ZNF33A: variants seen among roughly 807,000 people sequenced by gnomAD.
ZNF33A encodes the protein zinc finger protein 33A.
A neutral mutation model predicts 15.9 loss-of-function variants in ZNF33A; 9 were observed. The observed-to-expected ratio is 0.57, with a 90% CI of 0.34 to 0.99. ZNF33A has a LOEUF of 0.99. Among genes scored for constraint, ZNF33A ranks in the 50% least tolerant of loss-of-function variants. The probability of loss-of-function intolerance (pLI) is 0.02; values close to 1 mark genes in which losing one functional copy is unlikely to be tolerated. For missense variants in ZNF33A, 843 were observed against 941.6 expected (o/e 0.90, Z 1.37); for synonymous variants, 294 against 324.2 (o/e 0.91, Z 1.00).
intron 4 of ZNF33A, among the ~76,000 whole-genome samples, chr10:38,048,022 T>C (rs2066034129): frequency 6.6e-6 from 1 of 152,224 alleles, no homozygotes; most frequent in Non-Finnish European, 1.5e-5. Flanking sequence ...ACATTATTTT[T>C]AGTTTTAAAA....
rs764473273 is a variant in ZNF33A, at chr10:38,056,338, A to C, written c.2214A>C (p.Gln738His). 2 of 1,614,068 alleles carry C rather than the reference A, an allele frequency of 1.2e-6. No individual in the cohort carries two copies. The highest frequency in any genetic ancestry group is 1.3e-5 in the African/African-American group (1 of 74,954). Residue 738 changes from glutamine to histidine, a missense_variant, in exon 5 of 5, where the codon CAA becomes CAC. Coordinates refer to ENST00000432900, the MANE Select transcript of ZNF33A (RefSeq NM_006954.2). ...TTTACCGTAAATCGGAACTTGCTCA[A>C]CATCAGAGATCACATACAGGGGAAA... The part of the protein sequence containing the change: ...KIFYRKSELA[Q>H]HQRSHTGEKP...
At chr10:38,049,230 G>T (rs1239730252) in intron 4 of ZNF33A, among the ~76,000 whole-genome samples, 6 of 152,064 alleles carry the variant, frequency 3.9e-5, no homozygotes, top group Non-Finnish European at 7.4e-5. Context: ...TGAACTTTGG[G>T]TTAATGAAAA....
At chr10:38,010,902 C>G (rs12257902) in intron 1 of ZNF33A, 119 bp downstream of exon 1, 1 of 1,231,550 alleles carries the variant, frequency 8.1e-7, no homozygotes, top group Non-Finnish European at 1.1e-6. Flanking sequence ...TAGGGGAAGG[C>G]GGGGACGGCG....
At chr10:38,063,997 A>T (rs1312516393), downstream of ZNF33A, 3 of 1,234,462 alleles carry the variant, frequency 2.4e-6, no homozygotes, top group African/African-American at 4.5e-5. Flanking sequence ...GTAGGAAAAC[A>T]GGAAGAAAAG....
chr10:38,032,240 GTTAGT>G (rs1213838313), intron 4 of ZNF33A, among the ~76,000 whole-genome samples: 18 of 152,246 alleles, frequency 1.2e-4, no homozygotes, highest in South Asian at 4.1e-4. Context: ...ACTAAAAAAA[GTTAGT>G]TTAGTGAGGT....
chr10:38,029,275 A>T (rs2065114138), intron 4 of ZNF33A, among the ~76,000 whole-genome samples: 1 of 152,114 alleles, frequency 6.6e-6, no homozygotes, highest in Admixed American at 6.6e-5. Context: ...TTTATCTGGG[A>T]TTAACTCCAT....
chr10:38,032,665 T>G (rs2065263666), intron 4 of ZNF33A, among the ~76,000 whole-genome samples: 1 of 152,112 alleles, frequency 6.6e-6, no homozygotes, highest in Non-Finnish European at 1.5e-5. Flanking sequence ...TTGGCCAGGC[T>G]GGTCTCAAAC....
chr10:38,032,154 A>G (rs1229843339), intron 4 of ZNF33A, among the ~76,000 whole-genome samples: 1 of 152,090 alleles, frequency 6.6e-6, no homozygotes, highest in Non-Finnish European at 1.5e-5. Flanking sequence ...TGGGAAGTCA[A>G]ATTGTCATTT....
chr10:38,046,521 G>A (rs1267682508), intron 4 of ZNF33A, among the ~76,000 whole-genome samples: 2 of 152,232 alleles, frequency 1.3e-5, no homozygotes, highest in Middle Eastern at 3.4e-3. Flanking sequence ...TTGTTTCCAA[G>A]TGACTTAAGT....
chr10:38,061,586 C>T (rs1056068012), downstream of ZNF33A, among the ~76,000 whole-genome samples: 1 of 152,118 alleles, frequency 6.6e-6, no homozygotes, highest in East Asian at 1.9e-4. Context: ...TTACCTTGAA[C>T]ATAGGGAGAG....
intron 4 of ZNF33A, among the ~76,000 whole-genome samples, chr10:38,048,704 A>T (rs189005817): frequency 1.7e-4 from 26 of 152,296 alleles, no homozygotes; most frequent in African/African-American, 6.3e-4. Context: ...ATCGATAGAG[A>T]TCCATTCATC....
At chr10:38,030,639 C>T (rs555729070) in intron 4 of ZNF33A, among the ~76,000 whole-genome samples, 31 of 152,152 alleles carry the variant, frequency 2.0e-4, no homozygotes, top group African/African-American at 7.5e-4. Context: ...AGAGAAGGCT[C>T]CTAAGGAGAT....
rs200327978 is a variant in ZNF33A at position 38,015,485 on chromosome 10, A to AT, written c.10-1380dup. Among the ~76,000 whole-genome samples the AT allele has an allele frequency of 9.4e-3, 1,428 of 152,000 alleles. 10 individuals carry two copies. Among genetic ancestry groups the AT allele is most frequent in the Non-Finnish European group, 0.016 (1,067 of 67,956 alleles). ...AGACACCCGCCAACACGCCTGGCTA[A>AT]TTTTTTGTATTTTTAGTAGAGATGG... On this transcript the variant is annotated intron_variant, in intron 2 of 4. Transcript: ENST00000432900.
At chr10:38,066,369 C>G (rs2066709685), downstream of ZNF33A, among the ~76,000 whole-genome samples, 1 of 151,834 alleles carries the variant, frequency 6.6e-6, no homozygotes, top group Non-Finnish European at 1.5e-5. Flanking sequence ...ACCTCTGCCC[C>G]CTGGGTTCAA....
intron 4 of ZNF33A, among the ~76,000 whole-genome samples, chr10:38,040,687 C>G (rs905034067): frequency 6.6e-6 from 1 of 152,168 alleles, no homozygotes; most frequent in African/African-American, 2.4e-5. Context: ...CTGTTTGTAT[C>G]TATCTCTTAT....
chr10:38,015,381 C>A (rs1475138182), intron 2 of ZNF33A, among the ~76,000 whole-genome samples: 2 of 152,088 alleles, frequency 1.3e-5, no homozygotes. Context: ...CCTTGGCTCA[C>A]TGCAACGTCT....
chr10:38,013,825 C>G (rs1332567128), intron 2 of ZNF33A, among the ~76,000 whole-genome samples: 1 of 152,050 alleles, frequency 6.6e-6, no homozygotes, highest in Non-Finnish European at 1.5e-5. Context: ...TGAATTATTA[C>G]AAATCCGTGG....
intron 4 of ZNF33A, among the ~76,000 whole-genome samples, chr10:38,025,163 A>G (rs1434135056): frequency 1.3e-5 from 2 of 152,192 alleles, no homozygotes; most frequent in Non-Finnish European, 2.9e-5. Flanking sequence ...GGTGTCTTGG[A>G]ATGTACTTCC....
intron 4 of ZNF33A, among the ~76,000 whole-genome samples, chr10:38,051,961 A>C (rs2066229064): frequency 6.6e-6 from 1 of 152,176 alleles, no homozygotes. Flanking sequence ...CAAATGAAGA[A>C]TAGAAGATAA....
Sources: allele counts gnomAD v4.1 joint callset (sites outside exome capture counted in the v4.1 genomes callset), GRCh38; gene constraint gnomAD v4.1.1; transcripts MANE v1.5; gene names NCBI Gene and HGNC (gene_info 2026-07-23, HGNC 2026-07-21).